Variants in LRFN1 observed in about 807,000 individuals in gnomAD.
LRFN1 encodes leucine-rich repeat and fibronectin type III domain-containing protein 1.
In LRFN1, 20 loss-of-function variants were observed where a neutral mutation model predicts 31.8. The ratio of observed to expected loss-of-function variants is 0.63; its 90% CI spans 0.44 to 0.91. The LOEUF (loss-of-function observed/expected upper bound fraction) is 0.91. Ranked by LOEUF, LRFN1 falls within the 40% of genes least tolerant of loss-of-function variation. The probability of loss-of-function intolerance (pLI) is 0.00; values close to 1 mark genes in which losing one functional copy is unlikely to be tolerated. For synonymous variants in LRFN1, 514 were observed against 541.3 expected (o/e 0.95, Z 0.70); for missense variants, 912 against 1,129.8 (o/e 0.81, Z 2.76).
In LRFN1 at chr19:39,314,743, G is replaced by A; in HGVS notation, c.594C>T (p.Ile198=). Residue 198 remains isoleucine, a synonymous_variant, in exon 4 of 5, where the codon ATC becomes ATT. Transcript: ENST00000248668. ...CGAAGGTCCCCTCCGCGATGTGGTC[G>A]ATGAGGTTGTGGTCCAGCGTGAGGG... is the stretch of plus-strand genomic sequence containing the variant. The part of the protein sequence containing the change: ...LNTLTLDHNL[I]DHIAEGTFVQ... 6.2e-7 allele frequency: 1 copy of A among 1,613,120 alleles called. No homozygotes were observed. The highest frequency in any genetic ancestry group is 1.1e-5 in the South Asian group (1 of 90,966).
In LRFN1 at chr19:39,315,383, A is replaced by T. The variant is rs1230058244; in HGVS notation, c.-37-10T>A. 1.4e-6 allele frequency: 2 copies of T among 1,418,328 alleles called. No individual in the cohort carries two copies. The highest frequency in any genetic ancestry group is 2.9e-5 in the African/African-American group (2 of 69,296). The allele number at this position is 1,418,328 out of a possible 1,614,324, so 87.9% of individuals were successfully genotyped here. The stretch of plus-strand genomic sequence containing the variant: ...GGGTGGGAGGTGAGACCTGCCGGGG[A>T]AGGAGCCGGTTACCCAGGCGTGGGA... On this transcript the variant is annotated splice_polypyrimidine_tract_variant and intron_variant, in intron 3 of 4. Transcript: ENST00000248668. This position sits in a 1 kb window ranked among gnomAD's most constrained non-coding sequence, Gnocchi z 4.7.
rs142714643 is a variant in LRFN1, at chr19:39,310,649, C to T, written c.1407-2107G>A. Among the ~76,000 whole-genome samples the T allele has an allele frequency of 2.3e-4, 35 of 152,316 alleles. No homozygotes were observed. The East Asian group carries it at 6.6e-3, about 29-fold the overall frequency. On this transcript the variant is annotated intron_variant, in intron 4 of 4. Transcript: ENST00000248668. ...CAAGCTCTCTTCTCCAGCAAAGACT[C>T]TTGGTGGGTCCCGGGAGACAAGGAC...
Position 39,318,306 on chromosome 19 carries a change from A to G in LRFN1, c.-93+20T>C, listed in dbSNP as rs2075177937. 1.3e-5 allele frequency: 2 copies of G among 152,648 alleles called. No homozygotes were observed. The highest frequency in any genetic ancestry group is 4.1e-4 in the South Asian group (2 of 4,832). 9.5% of individuals were successfully genotyped at this position (152,648 alleles called of 1,614,324 possible). On this transcript the variant is annotated intron_variant, in intron 2 of 4. Transcript: ENST00000248668. ...ACCCCCCATGTCTCTCTCTCTCTGA[A>G]GCCTTACGGCTCTACTCACCTCTCT...
Position 39,307,330 on chromosome 19 carries a change from C to A in LRFN1, c.*303G>T, listed in dbSNP as rs1308094262. On this transcript the variant is annotated 3_prime_UTR_variant, in exon 5 of 5. Coordinates refer to ENST00000248668, the MANE Select transcript of LRFN1 (RefSeq NM_020862.2). This position sits in a 1 kb window ranked among gnomAD's most constrained non-coding sequence, Gnocchi z 6.7. ...TCAGGGGGCCCTGCCCCTCCCCGCG[C>A]TTCGCTGTGTAAGGCACCGGCTCCA... 2 of 400,978 alleles carry A rather than the reference C, an allele frequency of 5.0e-6. No homozygotes were observed. Among genetic ancestry groups the A allele is most frequent in the Non-Finnish European group, 8.8e-6 (2 of 227,434 alleles). The allele number at this position is 400,978 out of a possible 1,614,324, so 24.8% of individuals were successfully genotyped here.
chr19:39,309,494 A>AC (rs1285360514), intron 4 of LRFN1, among the ~76,000 whole-genome samples: 2 of 149,548 alleles, frequency 1.3e-5, no homozygotes, highest in African/African-American at 4.9e-5. Context: ...AAAAAAAAAA[A>AC]AAAAAAAAAA....
chr19:39,315,462 C>A lies in LRFN1; in HGVS notation c.-37-89G>T. 1 of 853,526 alleles carries A rather than the reference C, an allele frequency of 1.2e-6. No homozygotes were observed. The highest frequency in any genetic ancestry group is 1.7e-6 in the Non-Finnish European group (1 of 578,710). 52.9% of individuals were successfully genotyped at this position (853,526 alleles called of 1,614,324 possible). A position where few individuals can be genotyped will look rare whatever the true frequency, so the allele number is the denominator to read the frequency against. On this transcript the variant is annotated intron_variant, in intron 3 of 4. Coordinates refer to ENST00000248668, the MANE Select transcript of LRFN1 (RefSeq NM_020862.2). The surrounding 1 kb of genome is among the most constrained non-coding windows in gnomAD (Gnocchi z 4.7). ...AGTCAGGCCTGGATCCCTCCCCTAC[C>A]GCCTACAGCTGGGTTCCATAGGATG...
rs575707605 is a variant in LRFN1 at position 39,313,839 on chromosome 19, G to C, written c.1406+92C>G. ...GCTCTCACAGCCATCTAGAACCCTG[G>C]CTGAGCAAGAAGGCCAAGGGAATGG... is the stretch of plus-strand genomic sequence containing the variant. On this transcript the variant is annotated intron_variant, in intron 4 of 4. Transcript: ENST00000248668. 7 of 1,248,170 alleles carry C rather than the reference G, an allele frequency of 5.6e-6. No homozygotes were observed. In the South Asian group the frequency reaches 7.1e-5, roughly 13 times the overall value. The allele number at this position is 1,248,170 out of a possible 1,614,324, so 77.3% of individuals were successfully genotyped here.
At chr19:39,317,871 C>T (rs2075176600) in intron 2 of LRFN1, among the ~76,000 whole-genome samples, 3 of 152,252 alleles carry the variant, frequency 2.0e-5, no homozygotes, top group Middle Eastern at 6.8e-3. Context: ...TTTTCTCCAG[C>T]TTTCTCAGCC....
At position 39,314,509 on chromosome 19, in the gene LRFN1, G is replaced by T; in HGVS notation, c.828C>A (p.Ala276=). 1 of 1,610,410 alleles carries T rather than the reference G, an allele frequency of 6.2e-7. No homozygotes were observed. ...LTREDDLETC[A]TPEHLTDRYF... Reference sequence around the variant, plus strand: ...AGCGGTCGGTGAGGTGTTCGGGCGTGGCGCAGGTCTCTAAGTCGTCCTCGC... The same window carrying T: ...AGCGGTCGGTGAGGTGTTCGGGCGTTGCGCAGGTCTCTAAGTCGTCCTCGC... Residue 276 remains alanine, a synonymous_variant, in exon 4 of 5, where the codon GCC becomes GCA. Transcript: ENST00000248668.
intron 2 of LRFN1, among the ~76,000 whole-genome samples, chr19:39,317,900 C>T (rs1233146921): frequency 6.6e-6 from 1 of 152,126 alleles, no homozygotes; most frequent in East Asian, 1.9e-4. Context: ...GTCAGGCTAT[C>T]GGGAGATCTT....
Position 39,315,310 on chromosome 19 carries a change from G to T in LRFN1, c.27C>A (p.Ala9=). The change falls in exon 4 of 5, where the codon GCC becomes GCA. Residue 9 remains alanine, a synonymous_variant. Coordinates refer to ENST00000248668, the MANE Select transcript of LRFN1 (RefSeq NM_020862.2). This position sits in a 1 kb window ranked among gnomAD's most constrained non-coding sequence, Gnocchi z 4.7. ...GGGCAGCGGGCGGCGGCGAGAGGAGGGCCGAGGAGAAGGGTCCTGGAGCCA... is the reference window on the plus strand; with the variant it reads ...GGGCAGCGGGCGGCGGCGAGAGGAGTGCCGAGGAGAAGGGTCCTGGAGCCA... MAPGPFSS[A]LLSPPPAALP... The T allele has an allele frequency of 6.7e-7, 1 of 1,485,404 alleles. No individual in the cohort carries two copies. Among genetic ancestry groups the T allele is most frequent in the South Asian group, 1.3e-5 (1 of 75,716 alleles). 92.0% of individuals were successfully genotyped at this position (1,485,404 alleles called of 1,614,324 possible).
rs71169583 is a variant in LRFN1 at position 39,309,478 on chromosome 19, C to CAA, written c.1407-938_1407-937dup. On this transcript the variant is annotated intron_variant, in intron 4 of 4. Coordinates refer to ENST00000248668, the MANE Select transcript of LRFN1 (RefSeq NM_020862.2). ...ACTCTGTCTCAAAAAACAAACAAAC[C>CAA]AAAAAAAAAAAAAAAAAAAAAAAAA... 4.5e-3 allele frequency among the ~76,000 whole-genome samples: 145 copies of CAA among 31,994 alleles called. 2 individuals carry two copies. Among genetic ancestry groups the CAA allele is most frequent in the South Asian group, 0.011 (8 of 728 alleles). 21.0% of individuals were successfully genotyped at this position (31,994 alleles called of 152,430 possible). A position where few individuals can be genotyped will look rare whatever the true frequency, so the allele number is the denominator to read the frequency against.
In LRFN1 at chr19:39,315,240, G is replaced by A. The variant is rs1332367421; in HGVS notation, c.97C>T (p.Pro33Ser). The A allele has an allele frequency of 2.6e-6, 4 of 1,555,538 alleles. No individual in the cohort carries two copies. Among genetic ancestry groups the A allele is most frequent in the African/African-American group, 2.7e-5 (2 of 73,948 alleles). ...LLWAGASRGQPCPGRCICQNV... is the reference protein window; with the variant it reads ...LLWAGASRGQSCPGRCICQNV... ...TGGCAGATGCAGCGGCCGGGGCAGG[G>A]CTGGCCACGAGATGCCCCCGCCCAG... Residue 33 changes from proline (P) to serine (S), a missense_variant, in exon 4 of 5, where the codon CCC becomes TCC. Transcript: ENST00000248668. The surrounding 1 kb of genome is among the most constrained non-coding windows in gnomAD (Gnocchi z 4.7).
Position 39,308,827 on chromosome 19 carries a change from C to T in LRFN1, c.1407-285G>A, listed in dbSNP as rs979862469. 6.6e-6 allele frequency among the ~76,000 whole-genome samples: 1 copy of T among 152,204 alleles called. No individual in the cohort carries two copies. Among genetic ancestry groups the T allele is most frequent in the Non-Finnish European group, 1.5e-5 (1 of 68,046 alleles). The stretch of plus-strand genomic sequence containing the variant: ...TATTACCTCCTCTGCATATCCCGGC[C>T]CCTGCAGGGGAGAAGTGCTATGGCT... On this transcript the variant is annotated intron_variant, in intron 4 of 4. Transcript: ENST00000248668. The surrounding 1 kb of genome is among the most constrained non-coding windows in gnomAD (Gnocchi z 6.2).
Position 39,308,717 on chromosome 19 carries a change from C to T in LRFN1, c.1407-175G>A, listed in dbSNP as rs543678197. 6.6e-6 allele frequency among the ~76,000 whole-genome samples: 1 copy of T among 152,308 alleles called. No homozygotes were observed. The highest frequency in any genetic ancestry group is 1.5e-5 in the Non-Finnish European group (1 of 68,018). On this transcript the variant is annotated intron_variant, in intron 4 of 4. Coordinates refer to ENST00000248668, the MANE Select transcript of LRFN1 (RefSeq NM_020862.2). The surrounding 1 kb of genome is among the most constrained non-coding windows in gnomAD (Gnocchi z 6.2). ...CTCCATCAACATATTCCCACCCTTTCACACCCCTCATCTGTATGCCCCGCC... is the reference window on the plus strand; with the variant it reads ...CTCCATCAACATATTCCCACCCTTTTACACCCCTCATCTGTATGCCCCGCC...
At chr19:39,313,807 G>T in intron 4 of LRFN1, 124 bp downstream of exon 4, 1 of 828,246 alleles carries the variant, frequency 1.2e-6, no homozygotes. Flanking sequence ...AAAGGAGGGC[G>T]GGAACAGCTC....
chr19:39,318,893 T>A (rs1353903513), intron 1 of LRFN1, among the ~76,000 whole-genome samples: 2 of 152,200 alleles, frequency 1.3e-5, no homozygotes, highest in Non-Finnish European at 2.9e-5. Flanking sequence ...CCGCCCTCTA[T>A]GGGCACTTGG....
intron 1 of LRFN1, among the ~76,000 whole-genome samples, chr19:39,319,699 A>AC (rs907958261): frequency 5.9e-5 from 9 of 151,768 alleles, no homozygotes; most frequent in South Asian, 2.1e-4. Flanking sequence ...GCCCTGAGGC[A>AC]CCCCCCCACC....
At position 39,314,231 on chromosome 19, in the gene LRFN1, G is replaced by A; in HGVS notation, c.1106C>T (p.Thr369Ile). 1 of 1,613,322 alleles carries A rather than the reference G, an allele frequency of 6.2e-7. No homozygotes were observed. The highest frequency in any genetic ancestry group is 8.5e-7 in the Non-Finnish European group (1 of 1,179,690). ...ITTLRDSGTF[T>I]CIASNAAGEA... is the part of the protein sequence containing the mutation. ...CCCAGCAGCATTGGAGGCGATACAA[G>A]TGAAGGTGCCACTGTCCCTCAAGGT... Residue 369 changes from threonine (T) to isoleucine (I), a missense_variant, in exon 4 of 5, where the codon ACT becomes ATT. By Grantham distance (89) the Thr-to-Ile change is moderately conservative. Around this residue, in one of 2 missense-constraint regions of LRFN1, gnomAD observed 401 missense variants for 572.7 expected, o/e 0.70. Transcript: ENST00000248668.
Sources: gnomAD v4.1 joint callset for allele counts (sites outside exome capture counted in the v4.1 genomes callset) on GRCh38, gnomAD v4.1.1 for gene constraint, gnomAD v4.1.1 regional missense constraint, Gnocchi (gnomAD v3.1) non-coding constraint, MANE v1.5 for transcripts, NCBI Gene and HGNC (gene_info 2026-07-23, HGNC 2026-07-21) for gene names.